The following TMEM44 variants were observed in gnomAD, a reference collection of about 807,000 sequenced individuals.
TMEM44 encodes transmembrane protein 44.
TMEM44 carries 43 observed loss-of-function variants against 47.8 expected under a neutral mutation model. That is an observed-to-expected ratio of 0.90 (90% confidence interval 0.70 to 1.16). The LOEUF (loss-of-function observed/expected upper bound fraction) is 1.16, where lower values mean the gene tolerates loss of function less well. Ranked by LOEUF, TMEM44 falls within the 50% of genes most tolerant of loss-of-function variation. The probability of loss-of-function intolerance (pLI) is 0.00; values close to 1 mark genes in which losing one functional copy is unlikely to be tolerated. For synonymous variants in TMEM44, 277 were observed against 238.8 expected, an observed-to-expected ratio of 1.16 and a Z score of -1.48; for missense variants, 568 against 555.2, an observed-to-expected ratio of 1.02 and a Z score of -0.23.
At chr3:194,603,297 C>T (rs779546050) in intron 9 of TMEM44, among the ~76,000 whole-genome samples, 5 of 152,220 alleles carry the variant, frequency 3.3e-5, no homozygotes, top group East Asian at 1.9e-4. Flanking sequence ...GTGGTGCCCA[C>T]GACAGGGCCC....
chr3:194,614,069 C>A (rs1715624892), intron 7 of TMEM44, among the ~76,000 whole-genome samples: 1 of 152,042 alleles, frequency 6.6e-6, no homozygotes, highest in Non-Finnish European at 1.5e-5. Flanking sequence ...TTGTGGTGAG[C>A]CGAGATCGTG....
rs199575188 is a variant in TMEM44 at position 194,588,513 on chromosome 3, C to T, written c.*16G>A. ...TGACCCTGGGCTCTGAGCTGATGAG[C>T]TGGCTCCAGAAGGTGTTAATCATCA... On this transcript the variant is annotated 3_prime_UTR_variant, in exon 10 of 10. Coordinates refer to ENST00000347147, the MANE Select transcript of TMEM44 (RefSeq NM_001011655.3). The T allele has an allele frequency of 8.1e-6, 13 of 1,611,458 alleles. No individual in the cohort carries two copies. The highest frequency in any genetic ancestry group is 1.1e-5 in the Non-Finnish European group (13 of 1,177,876).
chr3:194,625,929 G>T lies in TMEM44; in HGVS notation c.326C>A (p.Pro109Gln), dbSNP rs752064020. ...DLVNFMFILF[P>Q]VCGSKFKSNS... ...AGACTTGAATTTGGATCCACAGACT[G>T]GGAAGAGAATGAACATAAAGTTCAC... The change falls in exon 3 of 10, where the codon CCA (proline) becomes CAA (glutamine). Residue 109 changes from proline to glutamine, a missense_variant. Coordinates refer to ENST00000347147, the MANE Select transcript of TMEM44 (RefSeq NM_001011655.3). 3.1e-5 allele frequency: 50 copies of T among 1,613,614 alleles called. No homozygotes were observed. The highest frequency in any genetic ancestry group is 4.1e-5 in the Non-Finnish European group (48 of 1,179,732).
intron 9 of TMEM44, among the ~76,000 whole-genome samples, chr3:194,595,792 A>AT (rs1365986107): frequency 1.4e-4 from 22 of 152,020 alleles, no homozygotes; most frequent in Admixed American, 7.9e-4. Context: ...TGCCAGGCTC[A>AT]TTTTTTGTAT....
chr3:194,590,308 T>TA (rs910088317), intron 9 of TMEM44: 1 of 152,228 alleles, frequency 6.6e-6, no homozygotes, highest in Non-Finnish European at 1.5e-5. Context: ...GCCATCATGT[T>TA]AAAAAGACCA....
intron 9 of TMEM44, among the ~76,000 whole-genome samples, chr3:194,591,914 T>C (rs1238729653): frequency 1.3e-5 from 2 of 152,006 alleles, no homozygotes; most frequent in African/African-American, 4.8e-5. Flanking sequence ...GCCTAAAAAC[T>C]TCATTTTATA....
At chr3:194,614,493 C>T (rs1715671888) in intron 7 of TMEM44, among the ~76,000 whole-genome samples, 1 of 152,172 alleles carries the variant, frequency 6.6e-6, no homozygotes, top group African/African-American at 2.4e-5. Flanking sequence ...CAACCTCTGC[C>T]TCCAGGATCA....
At chr3:194,605,156 C>CTATA (rs1195041922) in intron 8 of TMEM44, among the ~76,000 whole-genome samples, 7 of 111,246 alleles carry the variant, frequency 6.3e-5, no homozygotes, top group Middle Eastern at 7.8e-3. Context: ...ATGTATCTAT[C>CTATA]TATGTATCTA....
At chr3:194,589,750 G>C (rs1042211069) in intron 9 of TMEM44, 3 of 152,114 alleles carry the variant, frequency 2.0e-5, no homozygotes, top group South Asian at 4.1e-4. Context: ...TAGAGCCCAA[G>C]GGGATCCTTG....
At chr3:194,595,436 T>C (rs1713277762) in intron 9 of TMEM44, among the ~76,000 whole-genome samples, 1 of 152,170 alleles carries the variant, frequency 6.6e-6, no homozygotes, top group South Asian at 2.1e-4. Context: ...AGGGTCACTT[T>C]CTAGGTTTAA....
Position 194,588,403 on chromosome 3 carries a change from C to T in TMEM44, c.*126G>A. 2.6e-6 allele frequency: 2 copies of T among 777,170 alleles called. No homozygotes were observed. The highest frequency in any genetic ancestry group is 4.2e-6 in the Non-Finnish European group (2 of 476,928). The allele number at this position is 777,170 out of a possible 1,614,324, so 48.1% of individuals were successfully genotyped here. A position where few individuals can be genotyped will look rare whatever the true frequency, so the allele number is the denominator to read the frequency against. ...GCCCAGCCACACTCAGTGACGGCTC[C>T]TGGTTCCTCACTTGCCAGGGCAGCT... On this transcript the variant is annotated 3_prime_UTR_variant, in exon 10 of 10. Coordinates refer to ENST00000347147, the MANE Select transcript of TMEM44 (RefSeq NM_001011655.3).
chr3:194,632,439 G>A (rs1005950856), intron 1 of TMEM44, among the ~76,000 whole-genome samples: 5 of 152,126 alleles, frequency 3.3e-5, no homozygotes, highest in African/African-American at 1.2e-4. Flanking sequence ...AGGACAGAGC[G>A]GCTGAGGACC....
intron 9 of TMEM44, among the ~76,000 whole-genome samples, chr3:194,593,850 G>A (rs149896733): frequency 2.0e-5 from 3 of 152,152 alleles, no homozygotes; most frequent in South Asian, 2.1e-4. Flanking sequence ...TTGCTCTGTC[G>A]CCCAGGCTGT....
In TMEM44 at chr3:194,611,888, G is replaced by A. The variant is rs192158340; in HGVS notation, c.913-868C>T. On this transcript the variant is annotated intron_variant, in intron 7 of 9. Transcript: ENST00000347147. The surrounding 1 kb of genome is among the most constrained non-coding windows in gnomAD (Gnocchi z 4.2). ...AATACAAAAATTGGCTGGGCAAGGT[G>A]GCGTGTGTCTGTAATCCTAGCTACG... 2.0e-5 allele frequency among the ~76,000 whole-genome samples: 3 copies of A among 152,222 alleles called. No individual in the cohort carries two copies. Among genetic ancestry groups the A allele is most frequent in the African/African-American group, 7.2e-5 (3 of 41,528 alleles).
chr3:194,621,116 G>A lies in TMEM44; in HGVS notation c.612+2108C>T, dbSNP rs116304068. 6.2e-3 allele frequency among the ~76,000 whole-genome samples: 944 copies of A among 151,982 alleles called. 6 individuals carry two copies. Among genetic ancestry groups the A allele is most frequent in the Middle Eastern group, 0.021 (6 of 292 alleles). On this transcript the variant is annotated intron_variant, in intron 5 of 9. Coordinates refer to ENST00000347147, the MANE Select transcript of TMEM44 (RefSeq NM_001011655.3). ...AAATAGGGTCTTTGTGGATGATCAC[G>A]TCAAGATGAGGTCATTAGGATGAGT... is the stretch of plus-strand genomic sequence containing the variant.
chr3:194,601,638 G>A (rs1207786329), intron 9 of TMEM44, among the ~76,000 whole-genome samples: 3 of 151,982 alleles, frequency 2.0e-5, no homozygotes, highest in East Asian at 1.9e-4. Flanking sequence ...AGTAGAGACG[G>A]GGTTTCGCCA....
chr3:194,625,601 T>A (rs572784583), intron 3 of TMEM44, among the ~76,000 whole-genome samples: 1 of 152,082 alleles, frequency 6.6e-6, no homozygotes, highest in Non-Finnish European at 1.5e-5. Context: ...CTGCCTCAGC[T>A]TCCCGAGTAG....
At chr3:194,627,433 C>A (rs1269260142) in intron 2 of TMEM44, among the ~76,000 whole-genome samples, 1 of 67,022 alleles carries the variant, frequency 1.5e-5, no homozygotes, top group African/African-American at 4.7e-5. Flanking sequence ...GGGATAGGAG[C>A]CTTCCACACA....
intron 9 of TMEM44, among the ~76,000 whole-genome samples, chr3:194,594,137 A>ATCTATCTG (rs1713098364): frequency 6.9e-6 from 1 of 145,728 alleles, no homozygotes; most frequent in African/African-American, 2.5e-5. Flanking sequence ...CTATCTATCT[A>ATCTATCTG]TCTATCTATC....
Sources: allele counts gnomAD v4.1 joint callset (sites outside exome capture counted in the v4.1 genomes callset), GRCh38; gene constraint gnomAD v4.1.1; non-coding constraint Gnocchi (gnomAD v3.1); transcripts MANE v1.5; gene names NCBI Gene and HGNC (gene_info 2026-07-23, HGNC 2026-07-21).